DOCK1: variants seen among roughly 807,000 people sequenced by gnomAD.
DOCK1 encodes dedicator of cytokinesis 1, also known as dedicator of cytokinesis protein 1.
In DOCK1, 138 loss-of-function variants were observed where a neutral mutation model predicts 262.7. That is an observed-to-expected ratio of 0.53 (90% CI 0.46 to 0.61). The LOEUF (loss-of-function observed/expected upper bound fraction) is 0.61. Ranked by LOEUF, DOCK1 falls within the 20% of genes least tolerant of loss-of-function variation. The pLI is 0.00. For missense variants in DOCK1, 1,908 were observed against 2,370.7 expected (o/e 0.80, Z 4.05); for synonymous variants, 866 against 867.4 (o/e 1.00, Z 0.03).
chr10:127,048,838 A>T (rs2044518210), intron 21 of DOCK1, among the ~76,000 whole-genome samples: 2 of 152,230 alleles, frequency 1.3e-5, no homozygotes, highest in Admixed American at 6.5e-5. Flanking sequence ...CTCTTGGCAA[A>T]CTAGGAATAG....
chr10:127,158,999 T>G (rs961672948), intron 27 of DOCK1, among the ~76,000 whole-genome samples: 2 of 152,188 alleles, frequency 1.3e-5, no homozygotes, highest in Non-Finnish European at 2.9e-5. Context: ...CTCTCCTTGC[T>G]TGATGCCTTT....
At chr10:126,925,265 C>CAT (rs1328033776) in intron 1 of DOCK1, among the ~76,000 whole-genome samples, 1 of 152,244 alleles carries the variant, frequency 6.6e-6, no homozygotes, top group Non-Finnish European at 1.5e-5. Context: ...TGCACACACA[C>CAT]ATATACATGT....
chr10:127,281,676 G>C (rs2060967270), intron 29 of DOCK1, among the ~76,000 whole-genome samples: 1 of 152,190 alleles, frequency 6.6e-6, no homozygotes, highest in Admixed American at 6.5e-5. Flanking sequence ...GCTTGTGGCA[G>C]TCAGAGGTCA....
At chr10:127,286,281 A>T (rs140146596) in intron 29 of DOCK1, among the ~76,000 whole-genome samples, 4 of 152,278 alleles carry the variant, frequency 2.6e-5, no homozygotes, top group African/African-American at 9.6e-5. Context: ...TCAATATTGA[A>T]GGATAATTCA....
intron 27 of DOCK1, among the ~76,000 whole-genome samples, chr10:127,212,375 A>G (rs1416402822): frequency 6.6e-6 from 1 of 152,160 alleles, no homozygotes; most frequent in African/African-American, 2.4e-5. Context: ...ATGATTTTAT[A>G]CTCATGTATG....
intron 1 of DOCK1, among the ~76,000 whole-genome samples, chr10:126,920,678 C>T (rs143542526): frequency 2.6e-5 from 4 of 152,166 alleles, no homozygotes; most frequent in Non-Finnish European, 5.9e-5. Context: ...AAAATAAATA[C>T]TTTAGGTTTT....
At chr10:127,249,432 TACAC>T (rs376080330) in intron 28 of DOCK1, among the ~76,000 whole-genome samples, 7,703 of 96,942 alleles carry the variant, frequency 0.079, 306 homozygotes, top group African/African-American at 0.17. Flanking sequence ...CATATATATA[TACAC>T]ACACACACAC....
chr10:126,934,415 G>A (rs1340724904), intron 1 of DOCK1, among the ~76,000 whole-genome samples: 3 of 152,192 alleles, frequency 2.0e-5, no homozygotes, highest in Non-Finnish European at 4.4e-5. Flanking sequence ...TCTGTTGCAG[G>A]CTCCCACCTT....
At chr10:126,975,883 T>G (rs1460804094) in intron 2 of DOCK1, among the ~76,000 whole-genome samples, 1 of 152,082 alleles carries the variant, frequency 6.6e-6, no homozygotes, top group Non-Finnish European at 1.5e-5. Flanking sequence ...CTGCCCAAAA[T>G]ACCAGGATGA....
chr10:126,921,199 CAAA>C (rs34354732), intron 1 of DOCK1, among the ~76,000 whole-genome samples: 81 of 113,726 alleles, frequency 7.1e-4, no homozygotes, highest in South Asian at 2.2e-3. Context: ...GACTCTATCT[CAAA>C]AAAAAAAAAA....
In DOCK1 at chr10:127,175,740, T is replaced by C; in HGVS notation, c.2847+47976T>C. 1 of 1,614,094 alleles carries C rather than the reference T, an allele frequency of 6.2e-7. No individual in the cohort carries two copies. The highest frequency in any genetic ancestry group is 1.3e-5 in the African/African-American group (1 of 75,030). Reference sequence around the variant, plus strand: ...CCTCCCGAGCAGCTGGTAATCGGGCTCTTCGGATGGAGGCCGAGTGGAGTT... The same window carrying C: ...CCTCCCGAGCAGCTGGTAATCGGGCCCTTCGGATGGAGGCCGAGTGGAGTT... On this transcript the variant is annotated intron_variant, in intron 27 of 51. Transcript: ENST00000623213. This position sits in a 1 kb window ranked among gnomAD's most constrained non-coding sequence, Gnocchi z 6.3.
In DOCK1 at chr10:126,996,738, G is replaced by C; in HGVS notation, c.474-10G>C. The C allele has an allele frequency of 6.2e-7, 1 of 1,601,000 alleles. No individual in the cohort carries two copies. Among genetic ancestry groups the C allele is most frequent in the Non-Finnish European group, 8.5e-7 (1 of 1,175,760 alleles). On this transcript the variant is annotated splice_polypyrimidine_tract_variant and intron_variant, in intron 6 of 51. Transcript: ENST00000623213. ...ATGTCTGTGAACTTACTAAATTCTT[G>C]TTGTTCTAGAATTCTAGATTTGGAC...
At chr10:126,916,715 A>C (rs9423013) in intron 1 of DOCK1, among the ~76,000 whole-genome samples, 116,268 of 149,710 alleles carry the variant, frequency 0.78, 45,442 homozygotes, top group East Asian at 0.94. Context: ...CCTTCCTTCT[A>C]CCCCTCCTTT....
At chr10:126,929,282 G>A (rs1302201492) in intron 1 of DOCK1, among the ~76,000 whole-genome samples, 3 of 152,120 alleles carry the variant, frequency 2.0e-5, no homozygotes, top group African/African-American at 7.2e-5. Context: ...CTATGCTTTG[G>A]TGTGCTCACC....
intron 31 of DOCK1, among the ~76,000 whole-genome samples, chr10:127,345,644 T>C (rs1333520884): frequency 1.3e-5 from 2 of 151,782 alleles, no homozygotes; most frequent in Admixed American, 6.6e-5. Flanking sequence ...GTAGGCAGAG[T>C]GGGTGCTCGC....
At chr10:127,202,119 T>G (rs924234554) in intron 27 of DOCK1, among the ~76,000 whole-genome samples, 1 of 152,106 alleles carries the variant, frequency 6.6e-6, no homozygotes, top group African/African-American at 2.4e-5. Context: ...GCTCAGGAGT[T>G]CGAGACCAGC....
chr10:126,923,497 G>T (rs2033403716), intron 1 of DOCK1, among the ~76,000 whole-genome samples: 1 of 151,944 alleles, frequency 6.6e-6, no homozygotes, highest in South Asian at 2.1e-4. Flanking sequence ...GGTGGCAGGT[G>T]CCTGTAATCC....
At chr10:127,434,480 C>T (rs1346178323) in intron 48 of DOCK1, among the ~76,000 whole-genome samples, 4 of 152,106 alleles carry the variant, frequency 2.6e-5, no homozygotes, top group African/African-American at 4.8e-5. Flanking sequence ...GCATTGCGTA[C>T]GTTCACATCG....
In DOCK1 at chr10:127,419,722, G is replaced by A; in HGVS notation, c.4749G>A (p.Glu1583=). The A allele has an allele frequency of 6.2e-7, 1 of 1,603,150 alleles. No individual in the cohort carries two copies. Among genetic ancestry groups the A allele is most frequent in the Non-Finnish European group, 8.5e-7 (1 of 1,174,574 alleles). Residue 1583 remains glutamate, a synonymous_variant, in exon 46 of 52, where the codon GAG becomes GAA. Transcript: ENST00000623213. ...ACCCTGAGGCCCATGAAAAGATCGA[G>A]AAGCTCAAGGACCTGATTGCTTGGC... ...QEHPEAHEKI[E]KLKDLIAWQI...
Sources: gnomAD v4.1 joint callset for allele counts (sites outside exome capture counted in the v4.1 genomes callset) on GRCh38, gnomAD v4.1.1 for gene constraint, Gnocchi (gnomAD v3.1) non-coding constraint, MANE v1.5 for transcripts, NCBI Gene and HGNC (gene_info 2026-07-23, HGNC 2026-07-21) for gene names.